Variants in SKAP1 observed in about 807,000 individuals in gnomAD.
SKAP1 encodes the protein src kinase associated phosphoprotein 1.
Under a neutral mutation model 58.5 loss-of-function variants are expected in SKAP1, and 44 were observed. That is an observed-to-expected ratio of 0.75 (90% confidence interval 0.59 to 0.97). The LOEUF (loss-of-function observed/expected upper bound fraction) is 0.97, where lower values mean the gene tolerates loss of function less well. SKAP1 is among the 50% of genes least tolerant of loss of function. The pLI is 0.00. For synonymous variants in SKAP1, 127 were observed against 149.7 expected, an observed-to-expected ratio of 0.85 and a Z score of 1.11; for missense variants, 390 against 435.2, an observed-to-expected ratio of 0.90 and a Z score of 0.92.
chr17:48,254,123 T>C (rs942829260), intron 4 of SKAP1, among the ~76,000 whole-genome samples: 1 of 152,142 alleles, frequency 6.6e-6, no homozygotes, highest in African/African-American at 2.4e-5. Flanking sequence ...CCTGGATAAA[T>C]AATAGGGCCA....
intron 4 of SKAP1, among the ~76,000 whole-genome samples, chr17:48,203,172 A>T (rs1230140349): frequency 2.0e-5 from 3 of 152,242 alleles, no homozygotes; most frequent in Admixed American, 1.3e-4. Flanking sequence ...TCCAATAAAC[A>T]GTTATAAAAC....
chr17:48,253,261 G>A (rs752694256), intron 4 of SKAP1, among the ~76,000 whole-genome samples: 47 of 152,212 alleles, frequency 3.1e-4, no homozygotes, highest in Non-Finnish European at 5.7e-4. Flanking sequence ...ACACTTAGAA[G>A]TCTAACCCTT....
intron 3 of SKAP1, among the ~76,000 whole-genome samples, chr17:48,360,459 C>G (rs886160199): frequency 1.3e-5 from 2 of 152,014 alleles, no homozygotes. Flanking sequence ...TCGATATCAC[C>G]TTTTAGATAT....
chr17:48,302,437 A>T (rs549872423), intron 4 of SKAP1, among the ~76,000 whole-genome samples: 3 of 152,188 alleles, frequency 2.0e-5, no homozygotes, highest in Non-Finnish European at 4.4e-5. Context: ...TTATATTGCT[A>T]TGGAATTTCA....
intron 9 of SKAP1, among the ~76,000 whole-genome samples, chr17:48,172,342 G>A (rs2064228671): frequency 6.6e-6 from 1 of 151,984 alleles, no homozygotes; most frequent in Admixed American, 6.6e-5. Context: ...ATGTTTATAC[G>A]GTCAAAGTCA....
chr17:48,205,187 G>A (rs1328515709), intron 4 of SKAP1, among the ~76,000 whole-genome samples: 4 of 150,824 alleles, frequency 2.7e-5, no homozygotes, highest in South Asian at 4.2e-4. Flanking sequence ...TTGGTTCACT[G>A]CAGTCTCCAC....
At chr17:48,203,302 G>C (rs913322516) in intron 4 of SKAP1, among the ~76,000 whole-genome samples, 3 of 152,168 alleles carry the variant, frequency 2.0e-5, no homozygotes, top group Non-Finnish European at 2.9e-5. Flanking sequence ...TTATTGTTAG[G>C]TGGACTAGCT....
intron 4 of SKAP1, among the ~76,000 whole-genome samples, chr17:48,248,183 C>A (rs556900655): frequency 1.1e-4 from 16 of 152,148 alleles, no homozygotes; most frequent in Admixed American, 2.6e-4. Flanking sequence ...GGATGGCCTG[C>A]GCAGGAACAG....
intron 3 of SKAP1, among the ~76,000 whole-genome samples, chr17:48,360,710 G>C (rs978865684): frequency 6.6e-6 from 1 of 151,884 alleles, no homozygotes; most frequent in Middle Eastern, 3.2e-3. Context: ...TGTATTCTTT[G>C]GATCATGTTT....
intron 4 of SKAP1, among the ~76,000 whole-genome samples, chr17:48,303,086 A>G (rs1467730704): frequency 6.6e-6 from 1 of 152,248 alleles, no homozygotes; most frequent in East Asian, 1.9e-4. Context: ...AAAGTGAAAA[A>G]ACAAGACAAA....
At chr17:48,429,775 G>T (rs1246035821) in intron 1 of SKAP1, among the ~76,000 whole-genome samples, 1 of 152,202 alleles carries the variant, frequency 6.6e-6, no homozygotes, top group Non-Finnish European at 1.5e-5. Context: ...ACAGGTCGGA[G>T]ACCAGGCAAG....
At chr17:48,330,984 T>C (rs2066498929) in intron 4 of SKAP1, among the ~76,000 whole-genome samples, 1 of 152,168 alleles carries the variant, frequency 6.6e-6, no homozygotes, top group African/African-American at 2.4e-5. Context: ...CCTTAAAACC[T>C]CATAACTCAA....
chr17:48,185,899 C>T (rs541009950), intron 6 of SKAP1: 2 of 152,282 alleles, frequency 1.3e-5, no homozygotes, highest in South Asian at 4.1e-4. Context: ...CTTGTTCTAA[C>T]TGGCCACTAA....
chr17:48,413,523 A>AAAAAATATATATATATATAT, intron 1 of SKAP1, among the ~76,000 whole-genome samples: 1 of 105,466 alleles, frequency 9.5e-6, no homozygotes, highest in African/African-American at 4.3e-5. Flanking sequence ...TCAAAAAAAA[A>AAAAAATATATATATATATAT]ATATATATAT....
chr17:48,444,492 GA>G, the SKAP1 span, among the ~76,000 whole-genome samples: 1 of 152,230 alleles, frequency 6.6e-6, no homozygotes, highest in African/African-American at 2.4e-5. Flanking sequence ...CAGAGAAGTA[GA>G]AAGTGCTAGG....
intron 4 of SKAP1, among the ~76,000 whole-genome samples, chr17:48,235,423 G>A (rs1452754155): frequency 6.6e-6 from 1 of 150,800 alleles, no homozygotes; most frequent in Non-Finnish European, 1.5e-5. Flanking sequence ...AGCCTCAAAA[G>A]TTAGCTTTCA....
chr17:48,300,794 C>A (rs1243221609), intron 4 of SKAP1, among the ~76,000 whole-genome samples: 1 of 152,172 alleles, frequency 6.6e-6, no homozygotes, highest in Non-Finnish European at 1.5e-5. Flanking sequence ...CTTCCACTTT[C>A]CAGTCTCCCT....
intron 11 of SKAP1, among the ~76,000 whole-genome samples, chr17:48,141,450 C>T (rs2063767183): frequency 6.6e-6 from 1 of 152,070 alleles, no homozygotes; most frequent in Non-Finnish European, 1.5e-5. Context: ...ACGATCTCAG[C>T]TCACTGCAAC....
chr17:48,148,899 G>C (rs963083772), intron 11 of SKAP1, among the ~76,000 whole-genome samples: 1 of 152,228 alleles, frequency 6.6e-6, no homozygotes, highest in Non-Finnish European at 1.5e-5. Flanking sequence ...GGATAGAGTG[G>C]AATCATTCTC....
Sources: gnomAD v4.1 joint callset for allele counts (sites outside exome capture counted in the v4.1 genomes callset) on GRCh38, gnomAD v4.1.1 for gene constraint, MANE v1.5 for transcripts, NCBI Gene and HGNC (gene_info 2026-07-23, HGNC 2026-07-21) for gene names.